CPPED1: variants seen among roughly 807,000 people sequenced by gnomAD.
The protein encoded by CPPED1 is calcineurin like phosphoesterase domain containing 1.
Under a neutral mutation model 28.0 loss-of-function variants are expected in CPPED1, and 28 were observed. The observed-to-expected ratio is 1.00, with a 90% CI of 0.74 to 1.37. CPPED1 has a LOEUF of 1.37. CPPED1 is among the 40% of genes most tolerant of loss of function. The pLI is 0.00. For synonymous variants in CPPED1, 198 were observed against 180.2 expected, an observed-to-expected ratio of 1.10 and a Z score of -0.79; for missense variants, 504 against 416.5, an observed-to-expected ratio of 1.21 and a Z score of -1.83.
At chr16:12,726,725 C>T (rs980387673) in intron 2 of CPPED1, among the ~76,000 whole-genome samples, 2 of 152,018 alleles carry the variant, frequency 1.3e-5, no homozygotes, top group African/African-American at 4.8e-5. Context: ...GGGAGGATGG[C>T]TTGAACGCAG....
intron 1 of CPPED1, among the ~76,000 whole-genome samples, 154 bp downstream of exon 1, chr16:12,803,553 A>G (rs976775634): frequency 6.6e-6 from 1 of 152,212 alleles, no homozygotes; most frequent in Admixed American, 6.5e-5. Flanking sequence ...GGAATCCCTA[A>G]GAGCAGGCTT....
intron 2 of CPPED1, among the ~76,000 whole-genome samples, chr16:12,762,097 C>T (rs1245531786): frequency 2.0e-5 from 3 of 151,826 alleles, no homozygotes; most frequent in Non-Finnish European, 2.9e-5. Context: ...AGAAGAGTTA[C>T]AGTCTTAAAA....
intron 2 of CPPED1, among the ~76,000 whole-genome samples, chr16:12,723,581 C>T (rs575262009): frequency 1.1e-4 from 17 of 152,250 alleles, no homozygotes; most frequent in Admixed American, 2.6e-4. Context: ...AATCGATCTA[C>T]CAACACTTTG....
intron 2 of CPPED1, among the ~76,000 whole-genome samples, chr16:12,706,470 TCCTTCCTTTCCTTTCTC>T (rs891181929): frequency 8.0e-5 from 12 of 150,188 alleles, no homozygotes; most frequent in African/African-American, 2.9e-4. Flanking sequence ...CTTCCTTCCT[TCCTTCCTTTCCTTTCTC>T]CCTTCCTTTC....
At chr16:12,790,878 C>G (rs531218120) in intron 1 of CPPED1, among the ~76,000 whole-genome samples, 25 of 147,254 alleles carry the variant, frequency 1.7e-4, no homozygotes, top group Non-Finnish European at 3.0e-4. Context: ...GCAGATCACA[C>G]CACTGCACTC....
At chr16:12,803,665 G>T in intron 1 of CPPED1, 42 bp downstream of exon 1, 2 of 1,421,930 alleles carry the variant, frequency 1.4e-6, no homozygotes, top group Non-Finnish European at 1.9e-6. Flanking sequence ...GGAAGGTTCC[G>T]CAGCCCCAGA....
intron 2 of CPPED1, among the ~76,000 whole-genome samples, chr16:12,714,898 G>T (rs1189957474): frequency 6.6e-6 from 1 of 152,012 alleles, no homozygotes; most frequent in Non-Finnish European, 1.5e-5. Flanking sequence ...TTCTGCCTAT[G>T]CTTTCTTCTA....
rs2141192164 is a variant in CPPED1 at position 12,712,429 on chromosome 16, T to C, written c.290-7380A>G. Among the ~76,000 whole-genome samples, 2 of 152,328 alleles carry C rather than the reference T, an allele frequency of 1.3e-5. 1 individual carries two copies. Among genetic ancestry groups the C allele is most frequent in the Admixed American group, 1.3e-4 (2 of 15,296 alleles). The stretch of plus-strand genomic sequence containing the variant: ...ACTTTAATAACTTCATGATATTGAG[T>C]GAGCCAGCAGTTCCATTTATCAGCC... On this transcript the variant is annotated intron_variant, in intron 2 of 3. Coordinates refer to ENST00000381774, the MANE Select transcript of CPPED1 (RefSeq NM_018340.3).
chr16:12,786,256 T>C (rs1247282662), intron 1 of CPPED1, among the ~76,000 whole-genome samples: 1 of 152,192 alleles, frequency 6.6e-6, no homozygotes, highest in Non-Finnish European at 1.5e-5. Context: ...GGTGAGGATC[T>C]GCATTTTACT....
intron 3 of CPPED1, among the ~76,000 whole-genome samples, chr16:12,694,199 C>T (rs552789287): frequency 6.6e-6 from 1 of 152,178 alleles, no homozygotes; most frequent in East Asian, 1.9e-4. Context: ...GAGTGAGACC[C>T]TCTCACAAAA....
intron 3 of CPPED1, among the ~76,000 whole-genome samples, chr16:12,694,619 C>A (rs1205171855): frequency 6.7e-6 from 1 of 149,670 alleles, no homozygotes; most frequent in African/African-American, 2.5e-5. Flanking sequence ...ATAGGCCAAA[C>A]GTGGGAAAAT....
At chr16:12,699,720 C>G (rs1415894250) in intron 3 of CPPED1, among the ~76,000 whole-genome samples, 1 of 152,094 alleles carries the variant, frequency 6.6e-6, no homozygotes, top group East Asian at 1.9e-4. Flanking sequence ...GAGCTTTTGA[C>G]ATATTTTTGA....
chr16:12,803,481 C>G (rs1342431011), intron 1 of CPPED1, among the ~76,000 whole-genome samples: 1 of 152,218 alleles, frequency 6.6e-6, no homozygotes, highest in Non-Finnish European at 1.5e-5. Flanking sequence ...GAAGTTAGGT[C>G]AAGGCCAAGG....
At chr16:12,692,715 T>G (rs57987753) in intron 3 of CPPED1, among the ~76,000 whole-genome samples, 3,463 of 152,282 alleles carry the variant, frequency 0.023, 133 homozygotes, top group East Asian at 0.12. Context: ...ACTGACCATG[T>G]CTCTCAAGAA....
chr16:12,764,170 T>G (rs573999913), intron 2 of CPPED1, among the ~76,000 whole-genome samples: 7 of 151,466 alleles, frequency 4.6e-5, no homozygotes, highest in East Asian at 2.0e-4. Flanking sequence ...ATTAAGGTTT[T>G]TTCTGGATAC....
At chr16:12,713,560 T>A (rs1416493083) in intron 2 of CPPED1, among the ~76,000 whole-genome samples, 1 of 152,080 alleles carries the variant, frequency 6.6e-6, no homozygotes, top group Non-Finnish European at 1.5e-5. Flanking sequence ...GAGACGGGGT[T>A]TCATCATACT....
At chr16:12,707,884 T>C (rs1206967980) in intron 2 of CPPED1, among the ~76,000 whole-genome samples, 1 of 152,142 alleles carries the variant, frequency 6.6e-6, no homozygotes, top group Non-Finnish European at 1.5e-5. Flanking sequence ...TACTGATGCA[T>C]GCCTATAATC....
In CPPED1 at chr16:12,664,448, T is replaced by C. The variant is rs1259953882; in HGVS notation, c.*438A>G. The C allele has an allele frequency of 5.0e-6, 5 of 1,006,850 alleles. No homozygotes were observed. The Admixed American group carries it at 1.8e-4, about 37-fold the overall frequency. The allele number at this position is 1,006,850 out of a possible 1,614,324, so 62.4% of individuals were successfully genotyped here. A position where few individuals can be genotyped will look rare whatever the true frequency, so the allele number is the denominator to read the frequency against. On this transcript the variant is annotated 3_prime_UTR_variant, in exon 4 of 4. Transcript: ENST00000381774. This position sits in a 1 kb window ranked among gnomAD's most constrained non-coding sequence, Gnocchi z 4.2. ...GATGAACTTTGTTTTGCCTAGCGTT[T>C]TGGGAATCGTGACCACAATTTAATA... is the stretch of plus-strand genomic sequence containing the variant.
intron 1 of CPPED1, among the ~76,000 whole-genome samples, chr16:12,781,777 C>T (rs1289774993): frequency 6.6e-6 from 1 of 152,038 alleles, no homozygotes; most frequent in Non-Finnish European, 1.5e-5. Context: ...TTGAATGCTG[C>T]CAGAAGTATT....
Sources: allele counts gnomAD v4.1 joint callset (sites outside exome capture counted in the v4.1 genomes callset), GRCh38; gene constraint gnomAD v4.1.1; non-coding constraint Gnocchi (gnomAD v3.1); transcripts MANE v1.5; gene names NCBI Gene and HGNC (gene_info 2026-07-23, HGNC 2026-07-21).